VEPH1: variants seen among roughly 807,000 people sequenced by gnomAD.
VEPH1 encodes the protein ventricular zone-expressed PH domain-containing protein homolog 1.
In VEPH1, 80 loss-of-function variants were observed where a neutral mutation model predicts 85.2. The ratio of observed to expected loss-of-function variants is 0.94; its 90% CI spans 0.78 to 1.13. The LOEUF (loss-of-function observed/expected upper bound fraction) is 1.13, where lower values mean the gene tolerates loss of function less well. Ranked by LOEUF, VEPH1 falls within the 50% of genes most tolerant of loss-of-function variation. The pLI, the probability that VEPH1 is intolerant of heterozygous loss-of-function variation, is 0.00. For synonymous variants in VEPH1, 297 were observed against 348.0 expected, an observed-to-expected ratio of 0.85 and a Z score of 1.63; for missense variants, 955 against 980.5, an observed-to-expected ratio of 0.97 and a Z score of 0.35.
intron 6 of VEPH1, among the ~76,000 whole-genome samples, chr3:157,386,309 G>GTT (rs146176388): frequency 7.1e-6 from 1 of 139,914 alleles, no homozygotes; most frequent in African/African-American, 2.7e-5. Context: ...ATAACACAAG[G>GTT]TTTTTTTTTC....
At chr3:157,462,707 C>T (rs1230856246) in intron 3 of VEPH1, among the ~76,000 whole-genome samples, 1 of 152,152 alleles carries the variant, frequency 6.6e-6, no homozygotes, top group Non-Finnish European at 1.5e-5. Context: ...TTCATATCAT[C>T]AGCCTTTTAC....
At chr3:157,342,181 A>G (rs914978812) in intron 9 of VEPH1, among the ~76,000 whole-genome samples, 59 of 152,260 alleles carry the variant, frequency 3.9e-4, no homozygotes, top group African/African-American at 1.3e-3. Flanking sequence ...AACAATACTA[A>G]CCTTAAATGT....
At chr3:157,303,362 C>T (rs1401734291) in intron 11 of VEPH1, among the ~76,000 whole-genome samples, 1 of 152,140 alleles carries the variant, frequency 6.6e-6, no homozygotes, top group East Asian at 1.9e-4. Flanking sequence ...GGGTAGGGAT[C>T]ATGATTGTTT....
chr3:157,467,335 T>G (rs1736484684), intron 3 of VEPH1, among the ~76,000 whole-genome samples: 1 of 152,160 alleles, frequency 6.6e-6, no homozygotes, highest in Non-Finnish European at 1.5e-5. Context: ...TTTGTTTTCC[T>G]TCCATTTTGT....
chr3:157,313,667 T>G lies in VEPH1; in HGVS notation c.1964A>C (p.His655Pro). The G allele has an allele frequency of 6.2e-7, 1 of 1,614,168 alleles. No homozygotes were observed. The highest frequency in any genetic ancestry group is 8.5e-7 in the Non-Finnish European group (1 of 1,180,018). The part of the protein sequence containing the change: ...LWEKTQAGGA[H>P]SFETAMMEST... ...CTCCATCATGGCAGTTTCAAAGCTG[T>G]GAGCACCCCCTGCCTGGGTCTTCTC... The change falls in exon 11 of 14, where the codon CAC becomes CCC. Residue 655 changes from histidine (H) to proline (P), a missense_variant. Coordinates refer to ENST00000362010, the MANE Select transcript of VEPH1 (RefSeq NM_001167912.2).
intron 2 of VEPH1, among the ~76,000 whole-genome samples, chr3:157,485,498 A>C (rs1738536726): frequency 6.6e-6 from 1 of 152,200 alleles, no homozygotes; most frequent in Non-Finnish European, 1.5e-5. Context: ...ATATTAAAAT[A>C]ATAGAAATAG....
intron 10 of VEPH1, among the ~76,000 whole-genome samples, chr3:157,314,330 C>CAAAAAAAAAAAAAAAAA (rs34703314): frequency 9.3e-5 from 4 of 43,198 alleles, no homozygotes; most frequent in African/African-American, 1.5e-4. Flanking sequence ...GAGGATCCGT[C>CAAAAAAAAAAAAAAAAA]AAAAAAAAAA....
intron 2 of VEPH1, among the ~76,000 whole-genome samples, chr3:157,476,056 A>G (rs1199086573): frequency 6.6e-6 from 1 of 152,228 alleles, no homozygotes; most frequent in East Asian, 1.9e-4. Context: ...GACTCAGCCA[A>G]ATGACATCAA....
At chr3:157,455,834 C>T (rs116254389) in intron 4 of VEPH1, among the ~76,000 whole-genome samples, 1,900 of 152,174 alleles carry the variant, frequency 0.012, 45 homozygotes, top group African/African-American at 0.04. Flanking sequence ...GATTGATGGG[C>T]GTTTAGGTTG....
intron 4 of VEPH1, among the ~76,000 whole-genome samples, chr3:157,436,277 C>A (rs1299583564): frequency 1.4e-5 from 2 of 147,548 alleles, no homozygotes; most frequent in African/African-American, 2.5e-5. Context: ...AATTCAGTCT[C>A]AAAAAAAAAA....
chr3:157,438,736 G>A (rs1203775068), intron 4 of VEPH1, among the ~76,000 whole-genome samples: 1 of 152,168 alleles, frequency 6.6e-6, no homozygotes, highest in Admixed American at 6.5e-5. Context: ...ACAGACATGG[G>A]TTCCCAAAAT....
At chr3:157,461,737 A>G (rs1050723228) in intron 3 of VEPH1, among the ~76,000 whole-genome samples, 15 of 152,172 alleles carry the variant, frequency 9.9e-5, no homozygotes, top group Admixed American at 7.9e-4. Context: ...GGGAAAAAAC[A>G]TATCCCCACC....
At chr3:157,390,327 C>T (rs1729740601) in intron 6 of VEPH1, among the ~76,000 whole-genome samples, 1 of 152,178 alleles carries the variant, frequency 6.6e-6, no homozygotes, top group Admixed American at 6.5e-5. Context: ...ATCCCAATCT[C>T]ATAGAATGAG....
At chr3:157,388,770 G>A (rs1729559886) in intron 6 of VEPH1, among the ~76,000 whole-genome samples, 1 of 152,044 alleles carries the variant, frequency 6.6e-6, no homozygotes, top group Non-Finnish European at 1.5e-5. Flanking sequence ...TATTTACATA[G>A]CATTTACATT....
chr3:157,318,268 A>G (rs1720965318), intron 9 of VEPH1, among the ~76,000 whole-genome samples: 1 of 152,128 alleles, frequency 6.6e-6, no homozygotes, highest in Admixed American at 6.6e-5. Flanking sequence ...TTAATGGGGT[A>G]TTTTTTGTTT....
intron 12 of VEPH1, among the ~76,000 whole-genome samples, chr3:157,276,959 TCTCAG>T (rs936403163): frequency 6.6e-6 from 1 of 151,980 alleles, no homozygotes; most frequent in African/African-American, 2.4e-5. Flanking sequence ...AGTGGCATGT[TCTCAG>T]CTCACTGCAA....
chr3:157,420,687 GT>G (rs1419299292), intron 5 of VEPH1, among the ~76,000 whole-genome samples: 3 of 152,088 alleles, frequency 2.0e-5, no homozygotes, highest in East Asian at 3.9e-4. Flanking sequence ...CCTCGATTAG[GT>G]GTGTGAATAG....
intron 4 of VEPH1, among the ~76,000 whole-genome samples, chr3:157,456,593 T>C (rs1735403482): frequency 6.6e-6 from 1 of 152,210 alleles, no homozygotes; most frequent in Admixed American, 6.5e-5. Context: ...TGCATATGAC[T>C]AGGCAGTTAT....
intron 11 of VEPH1, among the ~76,000 whole-genome samples, chr3:157,300,884 TAGAATTTGGCTGAACTTCCAAACTC>T (rs1356832779): frequency 6.6e-6 from 1 of 152,226 alleles, no homozygotes. Flanking sequence ...AGGCAAAGTT[TAGAATTTGGCTGAACTTCCAAACTC>T]AGTGGTCCTA....
Sources: gnomAD v4.1 joint callset for allele counts (sites outside exome capture counted in the v4.1 genomes callset) on GRCh38, gnomAD v4.1.1 for gene constraint, MANE v1.5 for transcripts, NCBI Gene and HGNC (gene_info 2026-07-23, HGNC 2026-07-21) for gene names.